BBS9: variants seen among roughly 807,000 people sequenced by gnomAD.
The protein encoded by BBS9 is Bardet-Biedl syndrome 9, also known as protein PTHB1.
Under a neutral mutation model 117.7 loss-of-function variants are expected in BBS9, and 89 were observed. The observed-to-expected ratio is 0.76, with a 90% confidence interval of 0.64 to 0.90. The LOEUF is 0.90. BBS9 is among the 40% of genes least tolerant of loss of function. BBS9 has a pLI of 0.00. For missense variants in BBS9, 982 were observed against 1,042.2 expected (o/e 0.94, Z 0.80); for synonymous variants, 379 against 370.9 (o/e 1.02, Z -0.25).
chr7:33,627,775 G>A (rs1865711077), intron 21 of BBS9, among the ~76,000 whole-genome samples: 1 of 152,326 alleles, frequency 6.6e-6, no homozygotes, highest in Non-Finnish European at 1.5e-5. Context: ...CACAGGCTGG[G>A]CATGGGGGCT....
At chr7:33,308,289 C>G (rs1041251447) in intron 9 of BBS9, among the ~76,000 whole-genome samples, 4 of 152,114 alleles carry the variant, frequency 2.6e-5, no homozygotes, top group African/African-American at 9.7e-5. Context: ...TCATTCCAGA[C>G]CCCGCTTCTC....
intron 19 of BBS9, among the ~76,000 whole-genome samples, chr7:33,447,720 A>T (rs1563189539): frequency 6.6e-6 from 1 of 152,206 alleles, no homozygotes; most frequent in Non-Finnish European, 1.5e-5. Context: ...CTGTTACAGA[A>T]TTCCTGTGAT....
At chr7:33,427,604 T>C (rs1299845376) in intron 19 of BBS9, among the ~76,000 whole-genome samples, 1 of 152,314 alleles carries the variant, frequency 6.6e-6, no homozygotes, top group East Asian at 1.9e-4. Flanking sequence ...CAAATGGTGC[T>C]GGATTATTAG....
chr7:33,601,105 G>A (rs1298772516), intron 21 of BBS9, among the ~76,000 whole-genome samples: 1 of 152,158 alleles, frequency 6.6e-6, no homozygotes, highest in Non-Finnish European at 1.5e-5. Context: ...CGAAGTGAGG[G>A]CACTGAGCCC....
At chr7:33,132,061 C>A (rs555451733) in intron 1 of BBS9, among the ~76,000 whole-genome samples, 228 of 152,314 alleles carry the variant, frequency 1.5e-3, no homozygotes, top group Non-Finnish European at 2.6e-3. Context: ...CCTGTTACAA[C>A]CTTCAAATTA....
intron 9 of BBS9, among the ~76,000 whole-genome samples, chr7:33,312,881 AACT>A (rs1338729072): frequency 5.3e-5 from 8 of 152,146 alleles, no homozygotes; most frequent in African/African-American, 1.4e-4. Flanking sequence ...AATTTGAATG[AACT>A]TTTTCAGGAC....
intron 20 of BBS9, among the ~76,000 whole-genome samples, chr7:33,507,455 G>C (rs1255071352): frequency 6.6e-6 from 1 of 152,072 alleles, no homozygotes; most frequent in Non-Finnish European, 1.5e-5. Flanking sequence ...TGTTGGCCAG[G>C]CTGGTCTTGA....
rs571120529 is a variant in BBS9 at position 33,467,880 on chromosome 7, G to T, written c.2116-37583G>T. ...GTGGGGGAGGAAGCAAGTGATAAGA[G>T]AAATCAACACAGTGCTGAAGCTGAA... On this transcript the variant is annotated intron_variant, in intron 19 of 22. Coordinates refer to ENST00000242067, the MANE Select transcript of BBS9 (RefSeq NM_198428.3). Among the ~76,000 whole-genome samples the T allele has an allele frequency of 1.1e-3, 161 of 152,220 alleles. No individual in the cohort carries two copies. In the Middle Eastern group the frequency reaches 0.017, roughly 16 times the overall value.
chr7:33,292,239 T>TC lies in BBS9; in HGVS notation c.1016+18288dup, dbSNP rs60681046. The stretch of plus-strand genomic sequence containing the variant: ...GGCTACTTAAAAATGTTTTTTTTTT[T>TC]CCCCCTGAGACAAGGCCTCCCTCTG... On this transcript the variant is annotated intron_variant, in intron 9 of 22. Transcript: ENST00000242067. 2.7e-4 allele frequency among the ~76,000 whole-genome samples: 38 copies of TC among 142,850 alleles called. 1 individual carries two copies. Among genetic ancestry groups the TC allele is most frequent in the Non-Finnish European group, 4.0e-4 (26 of 64,544 alleles). The allele number at this position is 142,850 out of a possible 152,430, so 93.7% of individuals were successfully genotyped here. A position where few individuals can be genotyped will look rare whatever the true frequency, so the allele number is the denominator to read the frequency against.
At chr7:33,595,030 A>G (rs1024414977) in intron 21 of BBS9, among the ~76,000 whole-genome samples, 4 of 152,152 alleles carry the variant, frequency 2.6e-5, no homozygotes, top group Non-Finnish European at 2.9e-5. Flanking sequence ...TAGACCTTAC[A>G]TAAAAATTAA....
chr7:33,157,971 T>C (rs564380751), intron 4 of BBS9, among the ~76,000 whole-genome samples: 10 of 152,360 alleles, frequency 6.6e-5, no homozygotes, highest in African/African-American at 2.2e-4. Context: ...AGTTTCTGAA[T>C]AAATGGTTAC....
intron 5 of BBS9, among the ~76,000 whole-genome samples, chr7:33,235,088 A>G (rs550249418): frequency 3.3e-5 from 5 of 152,246 alleles, no homozygotes; most frequent in East Asian, 3.9e-4. Context: ...AAGGGATTCT[A>G]TTGGTTATCT....
intron 5 of BBS9, among the ~76,000 whole-genome samples, chr7:33,248,256 ATTCAT>A (rs570088978): frequency 7.1e-4 from 108 of 152,272 alleles, no homozygotes; most frequent in African/African-American, 2.5e-3. Flanking sequence ...CATTCTATTT[ATTCAT>A]TTCTTCTGTT....
At position 33,351,335 on chromosome 7, in the gene BBS9, G is replaced by A. The variant is rs892608456; in HGVS notation, c.1537+12G>A. On this transcript the variant is annotated intron_variant, in intron 14 of 22. Transcript: ENST00000242067. ...TTCCAGACCAACAGGTAAACATACA[G>A]GCTTAATCATTACTTTAAGTTGTTG... 5 of 1,541,350 alleles carry A rather than the reference G, an allele frequency of 3.2e-6. No individual in the cohort carries two copies. The highest frequency in any genetic ancestry group is 4.5e-6 in the Non-Finnish European group (5 of 1,113,826).
chr7:33,251,198 A>G (rs1475511234), intron 5 of BBS9, among the ~76,000 whole-genome samples: 4 of 152,126 alleles, frequency 2.6e-5, no homozygotes, highest in Non-Finnish European at 5.9e-5. Context: ...AGTGTCTACC[A>G]TGGCTCTCTC....
In BBS9 at chr7:33,351,277, A is replaced by T; in HGVS notation, c.1491A>T (p.Pro497=). 1 of 1,613,392 alleles carries T rather than the reference A, an allele frequency of 6.2e-7. No homozygotes were observed. The highest frequency in any genetic ancestry group is 8.5e-7 in the Non-Finnish European group (1 of 1,179,402). The change falls in exon 14 of 23, where the codon CCA becomes CCT. Residue 497 remains proline (P), a synonymous_variant. Transcript: ENST00000242067. ...TTTATCTGAAAAGAAGTTATACACCATCAGAATTGGAAGGAAATGCTGTTG... is the reference window on the plus strand; with the variant it reads ...TTTATCTGAAAAGAAGTTATACACCTTCAGAATTGGAAGGAAATGCTGTTG... The part of the protein sequence containing the change: ...FSVYLKRSYT[P]SELEGNAVVS...
chr7:33,161,737 A>G (rs567901121), intron 4 of BBS9, among the ~76,000 whole-genome samples: 16 of 152,310 alleles, frequency 1.1e-4, no homozygotes, highest in South Asian at 4.1e-4. Context: ...ACTCCCACCA[A>G]CAGTGTGAAA....
At chr7:33,426,976 C>G (rs555298643) in intron 19 of BBS9, among the ~76,000 whole-genome samples, 6 of 152,282 alleles carry the variant, frequency 3.9e-5, no homozygotes, top group Non-Finnish European at 7.4e-5. Context: ...TGTTTACTAT[C>G]TAGTACAACA....
chr7:33,367,820 T>C lies in BBS9; in HGVS notation c.1747T>C (p.Leu583=). 2 of 1,613,896 alleles carry C rather than the reference T, an allele frequency of 1.2e-6. No homozygotes were observed. The highest frequency in any genetic ancestry group is 1.7e-6 in the Non-Finnish European group (2 of 1,179,856). ...GGTGAATGTAATGGGTTTTCACTTC[T>C]TAGGAGGTGCTCGAATTACTGTTCT... ...DQVNVMGFHF[L]GGARITVLAS... The change falls in exon 17 of 23, where the codon TTA becomes CTA. Residue 583 remains leucine (L), a synonymous_variant. Transcript: ENST00000242067.
Sources: allele counts gnomAD v4.1 joint callset (sites outside exome capture counted in the v4.1 genomes callset), GRCh38; gene constraint gnomAD v4.1.1; transcripts MANE v1.5; gene names NCBI Gene and HGNC (gene_info 2026-07-23, HGNC 2026-07-21).